LRRTM4: variants seen among roughly 807,000 people sequenced by gnomAD.
LRRTM4 encodes leucine-rich repeat transmembrane neuronal protein 4.
LRRTM4 carries 25 observed loss-of-function variants against 47.6 expected under a neutral mutation model. The ratio of observed to expected loss-of-function variants is 0.53; its 90% CI spans 0.38 to 0.73. The LOEUF is 0.73. Among genes scored for constraint, LRRTM4 ranks in the 30% least tolerant of loss-of-function variants. The probability of loss-of-function intolerance (pLI) is 0.00; values close to 1 mark genes in which losing one functional copy is unlikely to be tolerated. For missense variants in LRRTM4, 638 were observed against 713.4 expected, an observed-to-expected ratio of 0.89 and a Z score of 1.20; for synonymous variants, 311 against 269.5, an observed-to-expected ratio of 1.15 and a Z score of -1.51.
intron 3 of LRRTM4, among the ~76,000 whole-genome samples, chr2:76,869,268 C>A (rs556388828): frequency 1.3e-5 from 2 of 152,030 alleles, no homozygotes; most frequent in South Asian, 4.2e-4. Flanking sequence ...GAGATCACAC[C>A]ACTGCACTCC....
chr2:76,792,515 G>C (rs1292417754), intron 3 of LRRTM4, among the ~76,000 whole-genome samples: 1 of 152,110 alleles, frequency 6.6e-6, no homozygotes, highest in Non-Finnish European at 1.5e-5. Flanking sequence ...AGGAAGGCGT[G>C]TGTGTGTATC....
intron 3 of LRRTM4, among the ~76,000 whole-genome samples, chr2:76,839,322 G>A (rs1573193188): frequency 6.6e-6 from 1 of 152,202 alleles, no homozygotes; most frequent in Non-Finnish European, 1.5e-5. Context: ...CTACTCAGGT[G>A]TCAGAGGGGC....
At chr2:77,209,971 C>T (rs993460099) in intron 3 of LRRTM4, among the ~76,000 whole-genome samples, 1 of 152,152 alleles carries the variant, frequency 6.6e-6, no homozygotes, top group Non-Finnish European at 1.5e-5. Flanking sequence ...CTGTTCCCAA[C>T]ACAGAATACA....
intron 3 of LRRTM4, among the ~76,000 whole-genome samples, chr2:77,356,345 G>A (rs1299237045): frequency 6.6e-6 from 1 of 152,024 alleles, no homozygotes; most frequent in Non-Finnish European, 1.5e-5. Context: ...CTAGTGTGAT[G>A]GTGAGATTTC....
chr2:76,974,213 C>CATAT (rs1283439856), intron 3 of LRRTM4, among the ~76,000 whole-genome samples: 2 of 126,436 alleles, frequency 1.6e-5, no homozygotes, highest in Non-Finnish European at 3.2e-5. Context: ...TATATATACA[C>CATAT]ATATATATAC....
At chr2:76,945,946 C>T (rs758802906) in intron 3 of LRRTM4, among the ~76,000 whole-genome samples, 1 of 151,888 alleles carries the variant, frequency 6.6e-6, no homozygotes, top group Non-Finnish European at 1.5e-5. Context: ...TCACTGAATT[C>T]TCTTTAAACA....
At chr2:77,323,099 A>G (rs190251674) in intron 3 of LRRTM4, among the ~76,000 whole-genome samples, 3 of 152,108 alleles carry the variant, frequency 2.0e-5, no homozygotes, top group Admixed American at 2.0e-4. Flanking sequence ...AACCATGATT[A>G]TGATACACCT....
At chr2:77,022,835 A>T (rs1330043522) in intron 3 of LRRTM4, among the ~76,000 whole-genome samples, 2 of 152,050 alleles carry the variant, frequency 1.3e-5, no homozygotes, top group Non-Finnish European at 2.9e-5. Flanking sequence ...TGGCTTTTCA[A>T]GGCTCGCGTT....
At chr2:77,057,260 T>C (rs867472741) in intron 3 of LRRTM4, among the ~76,000 whole-genome samples, 2 of 152,126 alleles carry the variant, frequency 1.3e-5, no homozygotes, top group African/African-American at 4.8e-5. Flanking sequence ...AAACATAGGA[T>C]AAAGTTTAGA....
intron 3 of LRRTM4, among the ~76,000 whole-genome samples, chr2:77,201,902 G>C (rs13414621): frequency 6.6e-6 from 1 of 151,984 alleles, no homozygotes; most frequent in African/African-American, 2.4e-5. Flanking sequence ...GGATGTCATC[G>C]ATGCTATTTC....
intron 3 of LRRTM4, among the ~76,000 whole-genome samples, chr2:76,985,134 A>G (rs1428110227): frequency 6.6e-6 from 1 of 151,980 alleles, no homozygotes; most frequent in African/African-American, 2.4e-5. Flanking sequence ...TTTATCTTCT[A>G]TCAAAATTTT....
At chr2:77,365,950 A>G (rs185073737) in intron 3 of LRRTM4, among the ~76,000 whole-genome samples, 10 of 149,156 alleles carry the variant, frequency 6.7e-5, no homozygotes, top group African/African-American at 2.4e-4. Context: ...TACATTATAT[A>G]TATATAAAAT....
intron 3 of LRRTM4, among the ~76,000 whole-genome samples, chr2:77,246,840 C>CAT (rs1405585954): frequency 6.6e-6 from 1 of 151,874 alleles, no homozygotes; most frequent in Non-Finnish European, 1.5e-5. Flanking sequence ...TACATGTATA[C>CAT]ATATATGCAT....
At chr2:77,012,919 G>A (rs1277094005) in intron 3 of LRRTM4, among the ~76,000 whole-genome samples, 1 of 152,168 alleles carries the variant, frequency 6.6e-6, no homozygotes, top group East Asian at 1.9e-4. Context: ...GGCAAACGAT[G>A]TATTAAGTGA....
rs114057816 is a variant in LRRTM4 at position 76,851,917 on chromosome 2, C to T, written c.1552-103001G>A. Among the ~76,000 whole-genome samples the T allele has an allele frequency of 3.5e-3, 536 of 152,028 alleles. 3 individuals are homozygous for T. The highest frequency in any genetic ancestry group is 5.6e-3 in the Non-Finnish European group (379 of 67,970). On this transcript the variant is annotated intron_variant, in intron 3 of 3. Transcript: ENST00000409884. Reference sequence around the variant, plus strand: ...TTGTTAATCACACAGGAAACACTTACGAGCAAATGGGAAGAAGGAAAAGCA... The same window carrying T: ...TTGTTAATCACACAGGAAACACTTATGAGCAAATGGGAAGAAGGAAAAGCA...
chr2:77,373,822 C>A (rs1026502125), intron 3 of LRRTM4, among the ~76,000 whole-genome samples: 4 of 151,684 alleles, frequency 2.6e-5, no homozygotes, highest in African/African-American at 9.7e-5. Context: ...CCTATTAACA[C>A]AGAGCTAGAA....
intron 3 of LRRTM4, among the ~76,000 whole-genome samples, chr2:77,384,235 T>A (rs74650011): frequency 0.02 from 3,079 of 151,114 alleles, 73 homozygotes; most frequent in African/African-American, 0.056. Flanking sequence ...TTTTTTTTTT[T>A]AAAAATTCAC....
intron 3 of LRRTM4, among the ~76,000 whole-genome samples, chr2:76,838,219 T>C (rs186372881): frequency 6.6e-6 from 1 of 152,106 alleles, no homozygotes; most frequent in Non-Finnish European, 1.5e-5. Flanking sequence ...AGGTACGTAA[T>C]CACATATATC....
intron 3 of LRRTM4, among the ~76,000 whole-genome samples, chr2:76,848,660 G>A (rs1035355913): frequency 6.6e-6 from 1 of 151,868 alleles, no homozygotes; most frequent in Non-Finnish European, 1.5e-5. Flanking sequence ...TGAAACAAAT[G>A]GATATTATCT....
Sources: gnomAD v4.1 joint callset for allele counts (sites outside exome capture counted in the v4.1 genomes callset) on GRCh38, gnomAD v4.1.1 for gene constraint, MANE v1.5 for transcripts, NCBI Gene and HGNC (gene_info 2026-07-23, HGNC 2026-07-21) for gene names.